TASOR: variants seen among roughly 807,000 people sequenced by gnomAD.
The protein encoded by TASOR is protein TASOR.
Under a neutral mutation model 178.6 loss-of-function variants are expected in TASOR, and 53 were observed. That is an observed-to-expected ratio of 0.30 (90% CI 0.24 to 0.37). The LOEUF (loss-of-function observed/expected upper bound fraction) is 0.37, where lower values mean the gene tolerates loss of function less well. Among genes scored for constraint, TASOR ranks in the 10% least tolerant of loss-of-function variants. The pLI is 1.00. For missense variants in TASOR, 1,815 were observed against 1,971.4 expected (o/e 0.92, Z 1.50); for synonymous variants, 713 against 696.2 (o/e 1.02, Z -0.38).
At chr3:56,643,771 A>ACC (rs34667245) in intron 14 of TASOR, among the ~76,000 whole-genome samples, 26 of 104,964 alleles carry the variant, frequency 2.5e-4, no homozygotes, top group African/African-American at 1.2e-3. Flanking sequence ...AAAAAAAACA[A>ACC]AAAAAAAAGT....
chr3:56,627,801 G>A, intron 19 of TASOR, 60 bp from the exon 20 acceptor site: 4 of 1,510,274 alleles, frequency 2.6e-6, no homozygotes, highest in Non-Finnish European at 3.6e-6. Context: ...ACAGACTCAA[G>A]TGTGAAGGAA....
At chr3:56,660,878 C>T (rs1196974290) in intron 10 of TASOR, 36 bp downstream of exon 10, 1 of 1,606,170 alleles carries the variant, frequency 6.2e-7, no homozygotes. Context: ...ATCAAGTCTG[C>T]TTCTAATGCA....
At chr3:56,682,419 CT>C (rs1326521491) in intron 1 of TASOR, among the ~76,000 whole-genome samples, 5 of 152,138 alleles carry the variant, frequency 3.3e-5, no homozygotes, top group Non-Finnish European at 7.3e-5. Context: ...TCTCTGGGAG[CT>C]GCAGCCTTAC....
chr3:56,646,113 A>G (rs972783854), intron 14 of TASOR, among the ~76,000 whole-genome samples: 1 of 152,102 alleles, frequency 6.6e-6, no homozygotes, highest in African/African-American at 2.4e-5. Flanking sequence ...ATGCCACTAC[A>G]CTCCAGCCTT....
rs2030974804 is a variant in TASOR, at chr3:56,673,647, G to T, written c.410C>A (p.Pro137Gln). 1.3e-6 allele frequency: 2 copies of T among 1,551,012 alleles called. No homozygotes were observed. The highest frequency in any genetic ancestry group is 1.4e-5 in the African/African-American group (1 of 72,990). Residue 137 changes from proline (P) to glutamine (Q), a missense_variant, in exon 2 of 24, where the codon CCA (proline) becomes CAA (glutamine). Coordinates refer to ENST00000683822, the MANE Select transcript of TASOR (RefSeq NM_001365635.2). ...VNILHSSYLE[P>Q]TSVTNFNYRR... ...GTAGTTAAAATTTGTTACTGAGGTT[G>T]GTTCAAGGTAAGAAGAATGGAGAAT...
Position 56,646,509 on chromosome 3 carries a change from T to C in TASOR, c.2215+13A>G, listed in dbSNP as rs1175051801. The C allele has an allele frequency of 3.8e-6, 6 of 1,575,286 alleles. No homozygotes were observed. Among genetic ancestry groups the C allele is most frequent in the Non-Finnish European group, 5.2e-6 (6 of 1,164,554 alleles). On this transcript the variant is annotated intron_variant, in intron 14 of 23. Transcript: ENST00000683822. ...TTATTTTTGGCTGTTATAAGAGCAA[T>C]CTGATATTTTACCTTCATACAGATG...
At chr3:56,676,346 T>C (rs1244517537) in intron 1 of TASOR, among the ~76,000 whole-genome samples, 1 of 152,208 alleles carries the variant, frequency 6.6e-6, no homozygotes, top group African/African-American at 2.4e-5. Flanking sequence ...TTCAGTAATA[T>C]ACGAAACACA....
chr3:56,627,547 AGAG>A, intron 20 of TASOR, 32 bp downstream of exon 20: 1 of 1,608,302 alleles, frequency 6.2e-7, no homozygotes, highest in Non-Finnish European at 8.5e-7. Flanking sequence ...GAGAGTCAGA[AGAG>A]GAGTTACGTG....
chr3:56,629,904 CA>C (rs988507031), intron 18 of TASOR, among the ~76,000 whole-genome samples: 1 of 151,990 alleles, frequency 6.6e-6, no homozygotes, highest in Non-Finnish European at 1.5e-5. Context: ...AACTTTTGGG[CA>C]GATCTCAGAC....
chr3:56,625,007 C>T lies in TASOR; in HGVS notation c.4140-1G>A. ...CAGACTTAGAGCTTTAGCATTCAATCTGTGAAATTAAGCAGTTCAGTTTCT... is the reference window on the plus strand; with the variant it reads ...CAGACTTAGAGCTTTAGCATTCAATTTGTGAAATTAAGCAGTTCAGTTTCT... On this transcript the variant is annotated splice_acceptor_variant, in intron 21 of 23. Coordinates refer to ENST00000683822, the MANE Select transcript of TASOR (RefSeq NM_001365635.2). LOFTEE classifies it high-confidence loss of function. The T allele has an allele frequency of 6.2e-7, 1 of 1,612,994 alleles. No individual in the cohort carries two copies. Among genetic ancestry groups the T allele is most frequent in the Non-Finnish European group, 8.5e-7 (1 of 1,179,542 alleles).
In TASOR at chr3:56,621,444, T is replaced by C; in HGVS notation, c.*1593A>G. ...AAAATTTTATCCTAAGCGATATGTTTTCCAAGTGAATATAATTCTAGTTTA... is the reference window on the plus strand; with the variant it reads ...AAAATTTTATCCTAAGCGATATGTTCTCCAAGTGAATATAATTCTAGTTTA... On this transcript the variant is annotated 3_prime_UTR_variant, in exon 24 of 24. Coordinates refer to ENST00000683822, the MANE Select transcript of TASOR (RefSeq NM_001365635.2). The C allele has an allele frequency of 2.2e-6, 2 of 922,338 alleles. No homozygotes were observed. Among genetic ancestry groups the C allele is most frequent in the Admixed American group, 2.7e-5 (1 of 37,620 alleles). The allele number at this position is 922,338 out of a possible 1,614,324, so 57.1% of individuals were successfully genotyped here. A position where few individuals can be genotyped will look rare whatever the true frequency, so the allele number is the denominator to read the frequency against.
chr3:56,662,235 T>C (rs917876767), intron 9 of TASOR, 150 bp downstream of exon 9: 7 of 589,806 alleles, frequency 1.2e-5, no homozygotes, highest in African/African-American at 9.5e-5. Context: ...AATCACGTAA[T>C]TTCAAATCAA....
At position 56,660,829 on chromosome 3, in the gene TASOR, T is replaced by C. The variant is rs772240751; in HGVS notation, c.1270A>G (p.Lys424Glu). The part of the protein sequence containing the change: ...ETYLGPNEVL[K>E]NGMYCSLYEV... ...TAAAGGCTGCAATACATTCCATTCT[T>C]CAAAACTGACATAAGAAAAATACAT... is the stretch of plus-strand genomic sequence containing the variant. Residue 424 changes from lysine (K) to glutamate (E), a missense_variant, in exon 11 of 24, where the codon AAG becomes GAG. Physicochemically the swap from Lys to Glu is moderately conservative, Grantham distance 56 (BLOSUM62 1). Coordinates refer to ENST00000683822, the MANE Select transcript of TASOR (RefSeq NM_001365635.2). 6.2e-7 allele frequency: 1 copy of C among 1,613,584 alleles called. No homozygotes were observed. The highest frequency in any genetic ancestry group is 8.5e-7 in the Non-Finnish European group (1 of 1,179,870).
intron 14 of TASOR, among the ~76,000 whole-genome samples, chr3:56,645,111 TA>T (rs1300641854): frequency 6.6e-6 from 1 of 152,058 alleles, no homozygotes; most frequent in Non-Finnish European, 1.5e-5. Flanking sequence ...CCGTCTCCAC[TA>T]AAGATACAAA....
chr3:56,626,181 T>A (rs1192432310), intron 21 of TASOR, among the ~76,000 whole-genome samples: 1 of 152,182 alleles, frequency 6.6e-6, no homozygotes, highest in Non-Finnish European at 1.5e-5. Context: ...ACTTTACTAG[T>A]AGAATATAGT....
At chr3:56,632,342 T>C (rs2107543016) in intron 18 of TASOR, among the ~76,000 whole-genome samples, 1 of 151,908 alleles carries the variant, frequency 6.6e-6, no homozygotes, top group South Asian at 2.1e-4. Context: ...AGGCATGGTG[T>C]GGCACGCCTG....
In TASOR at chr3:56,682,855, G is replaced by C. The variant is rs575651158; in HGVS notation, c.152C>G (p.Pro51Arg). 5 of 1,550,366 alleles carry C rather than the reference G, an allele frequency of 3.2e-6. No homozygotes were observed. Among genetic ancestry groups the C allele is most frequent in the Non-Finnish European group, 4.4e-6 (5 of 1,146,612 alleles). The change falls in exon 1 of 24, where the codon CCC becomes CGC. Residue 51 changes from proline (P) to arginine (R), a missense_variant. By Grantham distance (103) the Pro-to-Arg change is moderately radical. This residue lies in a region of TASOR where 244 missense variants were observed against 202.7 expected (regional missense o/e 1.20). Coordinates refer to ENST00000683822, the MANE Select transcript of TASOR (RefSeq NM_001365635.2). Reference sequence around the variant, plus strand: ...CTCCTCACGCCCAGCGCCGCCGCTGGGCTCAGCGATGTTGAGGCCGCCGCC... The same window carrying C: ...CTCCTCACGCCCAGCGCCGCCGCTGCGCTCAGCGATGTTGAGGCCGCCGCC... ...GGGGGLNIAE[P>R]SGGAGREENA... is the part of the protein sequence containing the mutation.
In TASOR at chr3:56,636,207, A is replaced by G. The variant is rs535322979; in HGVS notation, c.2825-2241T>C. ...CACCTGTAATCTCAGCTACTCAGGA[A>G]GCAGAGGCTGCAGTGAGCCAAGATT... On this transcript the variant is annotated intron_variant, in intron 17 of 23. Transcript: ENST00000683822. Among the ~76,000 whole-genome samples, 8 of 151,894 alleles carry G rather than the reference A, an allele frequency of 5.3e-5. No homozygotes were observed. The East Asian group carries it at 1.2e-3, about 22-fold the overall frequency.
At chr3:56,642,794 G>GA (rs2077152787) in intron 14 of TASOR, among the ~76,000 whole-genome samples, 1 of 152,116 alleles carries the variant, frequency 6.6e-6, no homozygotes, top group Non-Finnish European at 1.5e-5. Flanking sequence ...CTAACAAGGT[G>GA]AAACCCCGTC....
Sources: gnomAD v4.1 joint callset for allele counts (sites outside exome capture counted in the v4.1 genomes callset) on GRCh38, gnomAD v4.1.1 for gene constraint, gnomAD v4.1.1 regional missense constraint, MANE v1.5 for transcripts, NCBI Gene and HGNC (gene_info 2026-07-23, HGNC 2026-07-21) for gene names.